ZBTB16: variants seen among roughly 807,000 people sequenced by gnomAD.
ZBTB16 encodes zinc finger and BTB domain containing 16.
A neutral mutation model predicts 56.8 loss-of-function variants in ZBTB16; 8 were observed. That is an observed-to-expected ratio of 0.14 (90% CI 0.08 to 0.25). The LOEUF (loss-of-function observed/expected upper bound fraction) is 0.25, where lower values mean the gene tolerates loss of function less well. Ranked by LOEUF, ZBTB16 falls within the 10% of genes least tolerant of loss-of-function variation. The pLI is 1.00. For missense variants in ZBTB16, 625 were observed against 903.0 expected (o/e 0.69, Z 3.95); for synonymous variants, 363 against 368.5 (o/e 0.98, Z 0.17).
At chr11:114,068,100 A>G (rs1158585397) in intron 2 of ZBTB16, among the ~76,000 whole-genome samples, 1 of 149,432 alleles carries the variant, frequency 6.7e-6, no homozygotes, top group African/African-American at 2.5e-5. Flanking sequence ...TTTTGAGGCC[A>G]GGAAGCCATG....
At chr11:114,220,988 G>A (rs1944217842) in intron 4 of ZBTB16, among the ~76,000 whole-genome samples, 1 of 152,214 alleles carries the variant, frequency 6.6e-6, no homozygotes, top group African/African-American at 2.4e-5. Context: ...GCAGGCATGT[G>A]CAGGTCGTAG....
At chr11:114,108,091 C>T (rs1940861613) in intron 2 of ZBTB16, among the ~76,000 whole-genome samples, 1 of 151,978 alleles carries the variant, frequency 6.6e-6, no homozygotes, top group Non-Finnish European at 1.5e-5. Context: ...ATGAGGAGAC[C>T]ATACGGCTTT....
At chr11:114,123,102 C>T (rs1470621115) in intron 2 of ZBTB16, among the ~76,000 whole-genome samples, 5 of 152,278 alleles carry the variant, frequency 3.3e-5, no homozygotes, top group African/African-American at 9.6e-5. Flanking sequence ...CTTACAAGGA[C>T]ACTATTCTGT....
chr11:114,171,027 G>C (rs1464698677), intron 3 of ZBTB16, among the ~76,000 whole-genome samples: 5 of 152,154 alleles, frequency 3.3e-5, no homozygotes, highest in Non-Finnish European at 5.9e-5. Flanking sequence ...CTGCTGGGGG[G>C]CCAGTTTTGC....
chr11:114,224,463 T>A lies in ZBTB16; in HGVS notation c.1454-17704T>A, dbSNP rs1189047657. Among the ~76,000 whole-genome samples the A allele has an allele frequency of 2.0e-5, 3 of 152,186 alleles. No individual in the cohort carries two copies. The East Asian group carries it at 5.8e-4, about 29-fold the overall frequency. ...ACAGTTTTCATATACAGTAGCAGGG[T>A]GTGCATGACATCCAAAGGTAGGGTG... On this transcript the variant is annotated intron_variant, in intron 4 of 6. Coordinates refer to ENST00000335953, the MANE Select transcript of ZBTB16 (RefSeq NM_006006.6).
intron 4 of ZBTB16, 45 bp from the exon 5 acceptor site, chr11:114,242,122 T>A (rs1371415935): frequency 6.2e-7 from 1 of 1,611,616 alleles, no homozygotes; most frequent in Admixed American, 1.7e-5. Flanking sequence ...GAATGCACCT[T>A]GTATTCCCAC....
At chr11:114,149,836 T>C (rs1942240042) in intron 2 of ZBTB16, among the ~76,000 whole-genome samples, 1 of 152,182 alleles carries the variant, frequency 6.6e-6, no homozygotes, top group Non-Finnish European at 1.5e-5. Flanking sequence ...TGCTTCTTTT[T>C]CTCCCCTGGG....
intron 2 of ZBTB16, among the ~76,000 whole-genome samples, chr11:114,144,245 T>C (rs1942041218): frequency 6.6e-6 from 1 of 151,624 alleles, no homozygotes. Context: ...ACACCAATTG[T>C]AAACCTCGTC....
intron 3 of ZBTB16, among the ~76,000 whole-genome samples, chr11:114,184,162 A>G (rs1214526980): frequency 1.3e-5 from 2 of 152,226 alleles, no homozygotes; most frequent in African/African-American, 4.8e-5. Context: ...TTGAGCACCT[A>G]CTAGAGTATA....
chr11:114,230,059 C>T (rs905781609), intron 4 of ZBTB16, among the ~76,000 whole-genome samples: 3 of 152,084 alleles, frequency 2.0e-5, no homozygotes, highest in African/African-American at 7.2e-5. Flanking sequence ...GGTGGTCCCG[C>T]CCTCTCGGTT....
intron 2 of ZBTB16, among the ~76,000 whole-genome samples, chr11:114,135,883 A>C (rs1394455103): frequency 6.6e-6 from 1 of 152,234 alleles, no homozygotes; most frequent in Non-Finnish European, 1.5e-5. Flanking sequence ...CTGAAATGCC[A>C]GGGAGGATGG....
At chr11:114,138,811 C>T (rs1285592909) in intron 2 of ZBTB16, among the ~76,000 whole-genome samples, 1 of 152,114 alleles carries the variant, frequency 6.6e-6, no homozygotes, top group African/African-American at 2.4e-5. Flanking sequence ...CTGCCTCAGC[C>T]TCCTGAGTAG....
chr11:114,103,894 G>T (rs1462161445), intron 2 of ZBTB16, among the ~76,000 whole-genome samples: 1 of 152,140 alleles, frequency 6.6e-6, no homozygotes, highest in Non-Finnish European at 1.5e-5. Context: ...GTGTGGGTTT[G>T]GAGCCTGGGG....
At chr11:114,200,940 G>C (rs901060540) in intron 4 of ZBTB16, among the ~76,000 whole-genome samples, 6 of 152,172 alleles carry the variant, frequency 3.9e-5, no homozygotes, top group Non-Finnish European at 8.8e-5. Context: ...GATGTTGGTA[G>C]CATTTTGATT....
intron 6 of ZBTB16, among the ~76,000 whole-genome samples, chr11:114,249,788 A>AAAG (rs909350435): frequency 2.7e-5 from 4 of 148,500 alleles, no homozygotes; most frequent in African/African-American, 9.9e-5. Context: ...AAAAAAAAAA[A>AAAG]AGAGAGCTTT....
chr11:114,204,735 A>T (rs1303505047), intron 4 of ZBTB16, among the ~76,000 whole-genome samples: 1 of 152,056 alleles, frequency 6.6e-6, no homozygotes, highest in Non-Finnish European at 1.5e-5. Flanking sequence ...AACAAGATAA[A>T]CTGGGCCCGC....
chr11:114,209,463 G>A (rs941123204), intron 4 of ZBTB16: 3 of 985,176 alleles, frequency 3.0e-6, no homozygotes, highest in African/African-American at 1.7e-5. Flanking sequence ...TTCACATTCC[G>A]GAGATCCCCA....
chr11:114,166,201 CGTGTGTGTGTGTGTGTGT>C (rs3057730), intron 3 of ZBTB16, among the ~76,000 whole-genome samples: 8 of 134,160 alleles, frequency 6.0e-5, no homozygotes, highest in East Asian at 4.5e-4. Flanking sequence ...GACTGGTCTA[CGTGTGTGTGTGTGTGTGT>C]GTGTGTGTGT....
intron 3 of ZBTB16, among the ~76,000 whole-genome samples, chr11:114,159,686 T>A (rs1295515278): frequency 6.6e-6 from 1 of 152,162 alleles, no homozygotes; most frequent in Non-Finnish European, 1.5e-5. Flanking sequence ...TGGGTCTTCT[T>A]ACAGATTCCA....
Sources: allele counts gnomAD v4.1 joint callset (sites outside exome capture counted in the v4.1 genomes callset), GRCh38; gene constraint gnomAD v4.1.1; transcripts MANE v1.5; gene names NCBI Gene and HGNC (gene_info 2026-07-23, HGNC 2026-07-21).